The following PEAK1 variants were observed in gnomAD, a reference collection of about 807,000 sequenced individuals.
The protein encoded by PEAK1 is inactive tyrosine-protein kinase PEAK1.
PEAK1 carries 54 observed loss-of-function variants against 124.7 expected under a neutral mutation model. The observed-to-expected ratio is 0.43, with a 90% CI of 0.35 to 0.54. The LOEUF is 0.54. Among genes scored for constraint, PEAK1 ranks in the 20% least tolerant of loss-of-function variants. The probability of loss-of-function intolerance (pLI) is 0.01; values close to 1 mark genes in which losing one functional copy is unlikely to be tolerated. For missense variants in PEAK1, 2,046 were observed against 2,134.5 expected, an observed-to-expected ratio of 0.96 and a Z score of 0.82; for synonymous variants, 719 against 760.0, an observed-to-expected ratio of 0.95 and a Z score of 0.89.
At chr15:77,152,176 T>C (rs2054695506) in intron 8 of PEAK1, among the ~76,000 whole-genome samples, 1 of 152,182 alleles carries the variant, frequency 6.6e-6, no homozygotes, top group African/African-American at 2.4e-5. Context: ...AGCAGTGGTT[T>C]GTAGTTCTCC....
chr15:77,411,642 G>C (rs2072423425), intron 1 of PEAK1, among the ~76,000 whole-genome samples: 1 of 151,936 alleles, frequency 6.6e-6, no homozygotes, highest in African/African-American at 2.4e-5. Context: ...GTCTTGCGAT[G>C]TCACCTAGGC....
intron 9 of PEAK1, among the ~76,000 whole-genome samples, chr15:77,130,272 A>G (rs1353957941): frequency 6.6e-6 from 1 of 152,212 alleles, no homozygotes; most frequent in Non-Finnish European, 1.5e-5. Flanking sequence ...TGCAGCAATA[A>G]GGGCCCAAGA....
intron 2 of PEAK1, among the ~76,000 whole-genome samples, chr15:77,290,415 G>A (rs1399923413): frequency 6.6e-6 from 1 of 152,056 alleles, no homozygotes; most frequent in Non-Finnish European, 1.5e-5. Context: ...CACTGTGCCT[G>A]GCTAATTTTA....
At chr15:77,268,787 G>C (rs2061873524) in intron 5 of PEAK1, among the ~76,000 whole-genome samples, 1 of 152,034 alleles carries the variant, frequency 6.6e-6, no homozygotes, top group East Asian at 1.9e-4. Flanking sequence ...AACCTATAAA[G>C]AAAAACCTAT....
At chr15:77,148,467 A>G (rs2044454) in intron 8 of PEAK1, among the ~76,000 whole-genome samples, 1,815 of 152,274 alleles carry the variant, frequency 0.012, 31 homozygotes, top group African/African-American at 0.04. Context: ...GGGATCCTGT[A>G]GTCTGTTTTT....
At chr15:77,282,479 G>A (rs568078407) in intron 5 of PEAK1, among the ~76,000 whole-genome samples, 2 of 152,204 alleles carry the variant, frequency 1.3e-5, no homozygotes, top group South Asian at 4.1e-4. Flanking sequence ...TTAAAACCAT[G>A]CCTTCTGAAT....
At chr15:77,282,167 A>C (rs886107883) in intron 5 of PEAK1, among the ~76,000 whole-genome samples, 1 of 152,202 alleles carries the variant, frequency 6.6e-6, no homozygotes, top group African/African-American at 2.4e-5. Context: ...ACATACATAC[A>C]TATACACACA....
At chr15:77,327,302 G>A (rs963155654) in intron 2 of PEAK1, among the ~76,000 whole-genome samples, 2 of 152,044 alleles carry the variant, frequency 1.3e-5, no homozygotes, top group Non-Finnish European at 1.5e-5. Context: ...TCAGATTATG[G>A]TTCTAAATAA....
chr15:77,363,596 G>A (rs2141593962), intron 2 of PEAK1, among the ~76,000 whole-genome samples: 1 of 152,224 alleles, frequency 6.6e-6, no homozygotes, highest in African/African-American at 2.4e-5. Flanking sequence ...TGACAGGAGG[G>A]AGCCTGCACT....
At chr15:77,252,747 C>T (rs2060937006) in intron 5 of PEAK1, among the ~76,000 whole-genome samples, 2 of 152,032 alleles carry the variant, frequency 1.3e-5, no homozygotes, top group African/African-American at 2.4e-5. Context: ...TTACAAGAAC[C>T]GAAAGAGCAC....
chr15:77,333,013 A>T (rs990426025), intron 2 of PEAK1: 1 of 930,116 alleles, frequency 1.1e-6, no homozygotes, highest in South Asian at 5.0e-5. Flanking sequence ...TTATTGACTT[A>T]TAAGTGCTCT....
intron 6 of PEAK1, among the ~76,000 whole-genome samples, chr15:77,215,938 A>G (rs2059131777): frequency 6.6e-6 from 1 of 152,192 alleles, no homozygotes; most frequent in East Asian, 1.9e-4. Flanking sequence ...ATTTTTGTCA[A>G]TACCAGACTG....
rs762238002 is a variant in PEAK1 at position 77,180,634 on chromosome 15, T to C, written c.1293A>G (p.Gln431=). 2 of 1,614,170 alleles carry C rather than the reference T, an allele frequency of 1.2e-6. No homozygotes were observed. Among genetic ancestry groups the C allele is most frequent in the Non-Finnish European group, 1.7e-6 (2 of 1,180,022 alleles). Residue 431 remains glutamine (Q), a synonymous_variant, in exon 7 of 10, where the codon CAA becomes CAG. Coordinates refer to ENST00000682557, the MANE Select transcript of PEAK1 (RefSeq NM_001385026.1). ...AGGCTTTACTTTCTTCCTTCTCAGT[T>C]TGTACAGCAATCTTGCCATCTTTCT... ...LEEKDGKIAV[Q]TEKEESKAST...
rs1230153324 is a variant in PEAK1, at chr15:77,410,037, G to GT, written c.-666+9968dup. On this transcript the variant is annotated intron_variant, in intron 1 of 9. Transcript: ENST00000682557. The stretch of plus-strand genomic sequence containing the variant: ...AGCTACTTGAAAGACAGTAATCGTG[G>GT]TTTTTTTGTTTTGTTTTGTTTTTTG... Among the ~76,000 whole-genome samples, 176 of 150,818 alleles carry GT rather than the reference G, an allele frequency of 1.2e-3. 1 individual carries two copies. The highest frequency in any genetic ancestry group is 4.1e-3 in the African/African-American group (170 of 41,090).
At chr15:77,172,213 G>T (rs1435533119) in intron 7 of PEAK1, among the ~76,000 whole-genome samples, 2 of 152,126 alleles carry the variant, frequency 1.3e-5, no homozygotes, top group African/African-American at 4.8e-5. Context: ...TTTTACTCAT[G>T]TATAATTTTA....
At chr15:77,119,044 C>CATA (rs2051656892) in intron 9 of PEAK1, among the ~76,000 whole-genome samples, 1 of 138,270 alleles carries the variant, frequency 7.2e-6, no homozygotes, top group South Asian at 2.2e-4. Context: ...AGAACAAAAC[C>CATA]AGGCTGCTGA....
Position 77,133,496 on chromosome 15 carries a change from C to A in PEAK1, c.3586G>T (p.Ala1196Ser). 1.9e-6 allele frequency: 3 copies of A among 1,614,232 alleles called. No homozygotes were observed. The highest frequency in any genetic ancestry group is 2.5e-6 in the Non-Finnish European group (3 of 1,180,042). The change falls in exon 9 of 10, where the codon GCC (alanine) becomes TCC (serine). Residue 1196 changes from alanine (A) to serine (S), a missense_variant. Ala to Ser is a moderately conservative substitution (Grantham distance 99). Transcript: ENST00000682557. The surrounding 1 kb of genome is among the most constrained non-coding windows in gnomAD (Gnocchi z 4.2). The part of the protein sequence containing the change: ...PTYDIDPNWD[A>S]SSAGSSISYE... ...CTGATGGAAGAACCAGCACTGCTGG[C>A]ATCCCAGTTGGGGTCGATATCATAG...
chr15:77,420,657 C>T, upstream of PEAK1: 1 of 387,466 alleles, frequency 2.6e-6, no homozygotes, highest in Non-Finnish European at 4.6e-6. Context: ...CCAGAAACCT[C>T]CACGAAAATA....
At chr15:77,407,502 A>T (rs1366593530) in intron 1 of PEAK1, among the ~76,000 whole-genome samples, 1 of 152,214 alleles carries the variant, frequency 6.6e-6, no homozygotes, top group African/African-American at 2.4e-5. Context: ...ATGGCCAACA[A>T]ACATATGAAA....
Sources: allele counts gnomAD v4.1 joint callset (sites outside exome capture counted in the v4.1 genomes callset), GRCh38; gene constraint gnomAD v4.1.1; non-coding constraint Gnocchi (gnomAD v3.1); transcripts MANE v1.5; gene names NCBI Gene and HGNC (gene_info 2026-07-23, HGNC 2026-07-21).